The following USP15 variants were observed in gnomAD, a reference collection of about 807,000 sequenced individuals.
USP15 encodes the protein ubiquitin specific peptidase 15.
USP15 carries 18 observed loss-of-function variants against 127.1 expected under a neutral mutation model. The observed-to-expected ratio is 0.14, with a 90% confidence interval of 0.10 to 0.21. USP15 has a LOEUF of 0.21. Ranked by LOEUF, USP15 falls within the 10% of genes least tolerant of loss-of-function variation. USP15 has a pLI of 1.00. For synonymous variants in USP15, 364 were observed against 393.7 expected (o/e 0.92, Z 0.89); for missense variants, 805 against 1,159.9 (o/e 0.69, Z 4.44).
chr12:62,273,423 G>A (rs1164304953), intron 1 of USP15, among the ~76,000 whole-genome samples: 1 of 151,988 alleles, frequency 6.6e-6, no homozygotes, highest in African/African-American at 2.4e-5. Flanking sequence ...TTCATATGAA[G>A]TATTTTTTGA....
intron 1 of USP15, among the ~76,000 whole-genome samples, chr12:62,286,713 G>T (rs148141893): frequency 0.022 from 3,340 of 152,104 alleles, 122 homozygotes; most frequent in African/African-American, 0.075. Context: ...TGAGGTGGGC[G>T]GGTCACCTGA....
At chr12:62,396,555 CT>C (rs936334530) in intron 20 of USP15, among the ~76,000 whole-genome samples, 157 bp downstream of exon 20, 14 of 147,664 alleles carry the variant, frequency 9.5e-5, no homozygotes, top group Admixed American at 1.4e-4. Flanking sequence ...GCTTTTGAAC[CT>C]TTTTTTTTTC....
At chr12:62,308,128 G>C (rs1376360350) in intron 3 of USP15, among the ~76,000 whole-genome samples, 3 of 152,014 alleles carry the variant, frequency 2.0e-5, no homozygotes, top group Non-Finnish European at 4.4e-5. Flanking sequence ...AGGGGTCTCG[G>C]AATATATGTC....
At chr12:62,302,574 A>AT (rs1160808632) in intron 2 of USP15, among the ~76,000 whole-genome samples, 3 of 152,070 alleles carry the variant, frequency 2.0e-5, no homozygotes, top group Non-Finnish European at 2.9e-5. Flanking sequence ...TTTTTTTATG[A>AT]TTTTTTTAAG....
Position 62,392,385 on chromosome 12 carries a change from C to G in USP15, c.2418C>G (p.Pro806=). The part of the protein sequence containing the change: ...TTKEKLGAED[P]WYCPNCKEHQ... ...AAGAAAAGCTAGGTGCTGAAGATCC[C>G]TGGTAAGAGACAAAATTAAATAATT... Residue 806 remains proline, a splice_region_variant and synonymous_variant, in exon 18 of 22, where the codon CCC becomes CCG. Coordinates refer to ENST00000280377, the MANE Select transcript of USP15 (RefSeq NM_001252078.2). 6.4e-7 allele frequency: 1 copy of G among 1,573,222 alleles called. No homozygotes were observed. Among genetic ancestry groups the G allele is most frequent in the South Asian group, 1.2e-5 (1 of 85,166 alleles).
chr12:62,311,993 G>A (rs775686028), intron 3 of USP15, among the ~76,000 whole-genome samples: 1 of 151,720 alleles, frequency 6.6e-6, no homozygotes, highest in Non-Finnish European at 1.5e-5. Flanking sequence ...AGTATTTGTG[G>A]ATGGAAAATC....
At chr12:62,295,851 C>G (rs577632636) in intron 2 of USP15, among the ~76,000 whole-genome samples, 1 of 152,318 alleles carries the variant, frequency 6.6e-6, no homozygotes, top group South Asian at 2.1e-4. Context: ...GTGATCCTCA[C>G]TCTTGTATAA....
intron 8 of USP15, among the ~76,000 whole-genome samples, chr12:62,368,137 C>CGA (rs1431113449): frequency 6.6e-6 from 1 of 152,076 alleles, no homozygotes; most frequent in African/African-American, 2.4e-5. Context: ...GTTTCTTAAT[C>CGA]CTGAGTTCTA....
chr12:62,317,820 A>G (rs1443303060), intron 4 of USP15, among the ~76,000 whole-genome samples: 3 of 152,224 alleles, frequency 2.0e-5, no homozygotes, highest in African/African-American at 2.4e-5. Context: ...TGATTTACCT[A>G]TCAGGGCCAA....
At position 62,381,598 on chromosome 12, in the gene USP15, T is replaced by C; in HGVS notation, c.1024T>C (p.Tyr342His). ...AATGAGAGGTGAAATAGCTAAATCT[T>C]ATGCCGAACTGATCAAGCAAATGTG... ...LGMRGEIAKSYAELIKQMWSG... is the reference protein window; with the variant it reads ...LGMRGEIAKSHAELIKQMWSG... Residue 342 changes from tyrosine (Y) to histidine (H), a missense_variant, in exon 9 of 22, where the codon TAT becomes CAT. Around this residue, in one of 11 missense-constraint regions of USP15, gnomAD observed 84 missense variants for 210.3 expected, o/e 0.40. Coordinates refer to ENST00000280377, the MANE Select transcript of USP15 (RefSeq NM_001252078.2). The C allele has an allele frequency of 6.2e-7, 1 of 1,613,094 alleles. No homozygotes were observed. The highest frequency in any genetic ancestry group is 8.5e-7 in the Non-Finnish European group (1 of 1,179,290).
chr12:62,262,663 G>C (rs886429269), intron 1 of USP15, among the ~76,000 whole-genome samples: 1 of 151,842 alleles, frequency 6.6e-6, no homozygotes, highest in African/African-American at 2.4e-5. Context: ...ATATATGTGC[G>C]TGTGTGTGTG....
intron 21 of USP15, 83 bp downstream of exon 21, chr12:62,401,358 A>T: frequency 9.7e-7 from 1 of 1,030,048 alleles, no homozygotes; most frequent in Non-Finnish European, 1.4e-6. Flanking sequence ...GGGCTCATGG[A>T]ACACTGTAGT....
At chr12:62,345,172 CTG>C (rs1442352112) in intron 6 of USP15, among the ~76,000 whole-genome samples, 21 of 152,222 alleles carry the variant, frequency 1.4e-4, no homozygotes, top group Non-Finnish European at 4.4e-5. Flanking sequence ...CATTATAAAA[CTG>C]AATGCCTTTA....
At chr12:62,354,997 T>G (rs1180490202) in intron 7 of USP15, 1 of 164,392 alleles carries the variant, frequency 6.1e-6, no homozygotes, top group Non-Finnish European at 1.3e-5. Context: ...GCGGGTGGTA[T>G]TTAAAATCTG....
chr12:62,324,398 C>T (rs746901966), intron 5 of USP15, among the ~76,000 whole-genome samples: 88 of 151,844 alleles, frequency 5.8e-4, no homozygotes, highest in Non-Finnish European at 1.1e-3. Flanking sequence ...TGATTTAAGT[C>T]CTCAAATGAT....
At chr12:62,381,252 T>A (rs1245511931) in intron 8 of USP15, among the ~76,000 whole-genome samples, 1 of 152,088 alleles carries the variant, frequency 6.6e-6, no homozygotes, top group Non-Finnish European at 1.5e-5. Flanking sequence ...AATGCAGATT[T>A]TACAGCAGCG....
chr12:62,309,495 G>A (rs980108625), intron 3 of USP15, among the ~76,000 whole-genome samples: 11 of 152,026 alleles, frequency 7.2e-5, no homozygotes, highest in African/African-American at 2.7e-4. Context: ...ATTTAGGGAA[G>A]CCATAAACCA....
chr12:62,378,701 G>A (rs2066904032), intron 8 of USP15, among the ~76,000 whole-genome samples: 1 of 152,182 alleles, frequency 6.6e-6, no homozygotes, highest in African/African-American at 2.4e-5. Context: ...AGACAAAGGG[G>A]CAGAAAAATT....
intron 1 of USP15, among the ~76,000 whole-genome samples, chr12:62,283,106 A>G (rs1249359966): frequency 6.6e-6 from 1 of 152,222 alleles, no homozygotes; most frequent in Non-Finnish European, 1.5e-5. Context: ...CTACCCTCCC[A>G]AATGATACTA....
Sources: allele counts gnomAD v4.1 joint callset (sites outside exome capture counted in the v4.1 genomes callset), GRCh38; gene constraint gnomAD v4.1.1; regional missense constraint gnomAD v4.1.1; transcripts MANE v1.5; gene names NCBI Gene and HGNC (gene_info 2026-07-23, HGNC 2026-07-21).